CIITA: variants seen among roughly 807,000 people sequenced by gnomAD.
The protein encoded by CIITA is MHC class II transactivator.
A neutral mutation model predicts 115.1 loss-of-function variants in CIITA; 72 were observed. The observed-to-expected ratio is 0.63, with a 90% CI of 0.52 to 0.76. CIITA has a LOEUF of 0.76. Ranked by LOEUF, CIITA falls within the 30% of genes least tolerant of loss-of-function variation. The pLI is 0.00. For synonymous variants in CIITA, 763 were observed against 635.6 expected (o/e 1.20, Z -3.02); for missense variants, 1,617 against 1,463.8 (o/e 1.10, Z -1.71).
intron 1 of CIITA, 46 bp from the exon 2 acceptor site, chr16:10,895,236 C>T: frequency 6.2e-7 from 1 of 1,610,698 alleles, no homozygotes; most frequent in South Asian, 1.1e-5. Flanking sequence ...TTTTCTGCCT[C>T]TTTCCAACAC....
chr16:10,872,142 G>A (rs1265956900), intron 1 of CIITA, among the ~76,000 whole-genome samples: 1 of 151,394 alleles, frequency 6.6e-6, no homozygotes, highest in African/African-American at 2.4e-5. Context: ...TGGGTGGGGG[G>A]GACACAGTCT....
At position 10,886,840 on chromosome 16, in the gene CIITA, G is replaced by C. The variant is rs4781013; in HGVS notation, c.53-8442G>C. ...AGTCACACAGCAAGTGTGGAACTAA[G>C]ATTTGAACCCAGAGCCTGCACCCTT... On this transcript the variant is annotated intron_variant, in intron 1 of 19. Coordinates refer to ENST00000324288, the MANE Select transcript of CIITA (RefSeq NM_000246.4). Among the ~76,000 whole-genome samples the C allele has an allele frequency of 2.2e-4, 34 of 152,322 alleles. No homozygotes were observed. In the East Asian group the frequency reaches 6.0e-3, roughly 27 times the overall value.
chr16:10,898,773 A>T, intron 4 of CIITA, 41 bp downstream of exon 4: 1 of 1,610,698 alleles, frequency 6.2e-7, no homozygotes. Flanking sequence ...CTCAGCCTGC[A>T]TTTCCTGCCT....
chr16:10,881,052 T>C (rs555978879), intron 1 of CIITA, among the ~76,000 whole-genome samples: 1 of 152,206 alleles, frequency 6.6e-6, no homozygotes, highest in Admixed American at 6.5e-5. Flanking sequence ...GGCGGGTGGA[T>C]TGCTTGAGGC....
chr16:10,922,649 G>C (rs1277530371), intron 18 of CIITA, among the ~76,000 whole-genome samples, 159 bp downstream of exon 18: 1 of 152,196 alleles, frequency 6.6e-6, no homozygotes, highest in East Asian at 1.9e-4. Context: ...CATCTGTAAA[G>C]TGGGGACAGT....
intron 1 of CIITA, among the ~76,000 whole-genome samples, chr16:10,882,671 G>C (rs536479042): frequency 5.9e-5 from 9 of 152,322 alleles, no homozygotes; most frequent in East Asian, 5.8e-4. Context: ...GCTGAGGCCG[G>C]TGGATCACCT....
In CIITA at chr16:10,907,119, C is replaced by T. The variant is rs2039222739; in HGVS notation, c.1627C>T (p.Leu543Phe). The change falls in exon 11 of 20, where the codon CTC (leucine) becomes TTC (phenylalanine). Residue 543 changes from leucine (L) to phenylalanine (F), a missense_variant. Leu to Phe is a conservative substitution (Grantham distance 22). Coordinates refer to ENST00000324288, the MANE Select transcript of CIITA (RefSeq NM_000246.4). This position sits in a 1 kb window ranked among gnomAD's most constrained non-coding sequence, Gnocchi z 5.0. The stretch of plus-strand genomic sequence containing the variant: ...GAAGAAGCTGCTCCGAGGTTGCACC[C>T]TCCTCCTCACAGCCCGGCCCCGGGG... ...FQKKLLRGCT[L>F]LLTARPRGRL... 1.2e-6 allele frequency: 2 copies of T among 1,611,478 alleles called. No individual in the cohort carries two copies. The highest frequency in any genetic ancestry group is 1.7e-5 in the Admixed American group (1 of 59,990).
At chr16:10,939,622 T>A (rs934835732), downstream of CIITA, 1 of 152,258 alleles carries the variant, frequency 6.6e-6, no homozygotes, top group African/African-American at 2.4e-5. The surrounding 1 kb of genome is among the most constrained non-coding windows in gnomAD (Gnocchi z 4.9). Flanking sequence ...ATCATCTCCT[T>A]AGAGAGGCTT....
rs570428236 is a variant in CIITA, at chr16:10,906,564, G to A, written c.1072G>A (p.Gly358Ser). The A allele has an allele frequency of 9.9e-6, 16 of 1,613,358 alleles. 1 individual carries two copies. In the South Asian group the frequency reaches 1.3e-4, roughly 13 times the overall value. Residue 358 changes from glycine to serine, a missense_variant, in exon 11 of 20, where the codon GGC (glycine) becomes AGC (serine). Coordinates refer to ENST00000324288, the MANE Select transcript of CIITA (RefSeq NM_000246.4). ...TYGAEPAGPD[G>S]ILVEVDLVQA... ...TGGTGCCGAGCCCGCAGGCCCGGAT[G>A]GCATCCTAGTGGAGGTGGATCTGGT...
At chr16:10,890,341 T>A (rs1038703630) in intron 1 of CIITA, among the ~76,000 whole-genome samples, 5 of 151,788 alleles carry the variant, frequency 3.3e-5, no homozygotes, top group Admixed American at 3.3e-4. Flanking sequence ...TGGAGTGCAG[T>A]GGTGCAATCT....
intron 14 of CIITA, 21 bp downstream of exon 14, chr16:10,915,671 C>T (rs770214221): frequency 1.8e-5 from 29 of 1,598,250 alleles, no homozygotes; most frequent in Non-Finnish European, 2.1e-5. Flanking sequence ...ACTCTGGGAC[C>T]CCTTCCTCTC....
chr16:10,907,872 A>G lies in CIITA; in HGVS notation c.2380A>G (p.Lys794Glu). Residue 794 changes from lysine to glutamate, a missense_variant, in exon 11 of 20, where the codon AAG becomes GAG. Coordinates refer to ENST00000324288, the MANE Select transcript of CIITA (RefSeq NM_000246.4). The surrounding 1 kb of genome is among the most constrained non-coding windows in gnomAD (Gnocchi z 5.0). ...GCAGAAGGTGCTTGCGAGGTACCTG[A>G]AGCGGCTGCAGCCGGGGACACTGCG... ...RKQKVLARYL[K>E]RLQPGTLRAR... The G allele has an allele frequency of 6.2e-7, 1 of 1,607,738 alleles. No individual in the cohort carries two copies. The highest frequency in any genetic ancestry group is 8.5e-7 in the Non-Finnish European group (1 of 1,176,464).
chr16:10,890,808 C>G (rs11648531), intron 1 of CIITA, among the ~76,000 whole-genome samples: 81,677 of 152,112 alleles, frequency 0.54, 25,905 homozygotes, highest in Non-Finnish European at 0.72. Flanking sequence ...TCATTCAGCA[C>G]TTACTGATTG....
chr16:10,878,206 C>T (rs1392823935), intron 1 of CIITA, among the ~76,000 whole-genome samples: 3 of 152,130 alleles, frequency 2.0e-5, no homozygotes, highest in African/African-American at 7.2e-5. Context: ...TTCTCAGACT[C>T]CCCTGAAATG....
At position 10,901,140 on chromosome 16, in the gene CIITA, A is replaced by G. The variant is rs1286312071; in HGVS notation, c.437-374A>G. 6.6e-6 allele frequency among the ~76,000 whole-genome samples: 1 copy of G among 152,206 alleles called. No homozygotes were observed. The highest frequency in any genetic ancestry group is 2.4e-5 in the African/African-American group (1 of 41,460). ...TCTGGCATACTCCTGCAATGTAGGA[A>G]CCACCACCCCCATTTCATAGATGTG... On this transcript the variant is annotated intron_variant, in intron 5 of 19. Transcript: ENST00000324288. The surrounding 1 kb of genome is among the most constrained non-coding windows in gnomAD (Gnocchi z 6.8).
rs552071536 is a variant in CIITA, at chr16:10,900,610, A to G, written c.437-904A>G. ...CAAAAATTAGCCAGGCGTGGTGGCG[A>G]ACACCTGTAATCCCAGCTACCAGGG... On this transcript the variant is annotated intron_variant, in intron 5 of 19. Coordinates refer to ENST00000324288, the MANE Select transcript of CIITA (RefSeq NM_000246.4). Among the ~76,000 whole-genome samples the G allele has an allele frequency of 4.9e-4, 75 of 151,874 alleles. 2 individuals are homozygous for G. The highest frequency in any genetic ancestry group is 3.8e-3 in the South Asian group (18 of 4,796).
chr16:10,906,546 G>A lies in CIITA; in HGVS notation c.1054G>A (p.Glu352Lys), dbSNP rs752576726. ...YRSLQDTYGA[E>K]PAGPDGILVE... ...CTCACTGCAGGACACGTATGGTGCC[G>A]AGCCCGCAGGCCCGGATGGCATCCT... Residue 352 changes from glutamate (E) to lysine (K), a missense_variant, in exon 11 of 20, where the codon GAG becomes AAG. Physicochemically the swap from Glu to Lys is moderately conservative, Grantham distance 56. Coordinates refer to ENST00000324288, the MANE Select transcript of CIITA (RefSeq NM_000246.4). 1.2e-5 allele frequency: 20 copies of A among 1,612,664 alleles called. No individual in the cohort carries two copies. The highest frequency in any genetic ancestry group is 3.3e-5 in the Admixed American group (2 of 60,006).
Position 10,942,032 on chromosome 16 carries a change from G to C in CIITA, n.1158G>C. On this transcript the variant is annotated non_coding_transcript_exon_variant, in exon 2 of 2. Transcript: ENST00000573379. This position sits in a 1 kb window ranked among gnomAD's most constrained non-coding sequence, Gnocchi z 5.0. Reference sequence around the variant, plus strand: ...CAGCGGGTGGCAAGGGCGGCGGCCCGGCGATCCCGGCGAACTCAGCCGCTG... The same window carrying C: ...CAGCGGGTGGCAAGGGCGGCGGCCCCGCGATCCCGGCGAACTCAGCCGCTG... 7.3e-7 allele frequency: 1 copy of C among 1,372,786 alleles called. No homozygotes were observed. Among genetic ancestry groups the C allele is most frequent in the Non-Finnish European group, 9.4e-7 (1 of 1,065,020 alleles). 85.0% of individuals were successfully genotyped at this position (1,372,786 alleles called of 1,614,324 possible).
rs544109645 is a variant in CIITA at position 10,900,365 on chromosome 16, G to A, written c.437-1149G>A. 2.6e-5 allele frequency among the ~76,000 whole-genome samples: 4 copies of A among 152,284 alleles called. No individual in the cohort carries two copies. The East Asian group carries it at 7.7e-4, about 29-fold the overall frequency. On this transcript the variant is annotated intron_variant, in intron 5 of 19. Transcript: ENST00000324288. ...GGGAGAGGACACGGTCCTATCTTCA[G>A]CAGCTTCTTTATTTTCTTTCTTTTC...
Sources: allele counts gnomAD v4.1 joint callset (sites outside exome capture counted in the v4.1 genomes callset), GRCh38; gene constraint gnomAD v4.1.1; non-coding constraint Gnocchi (gnomAD v3.1); transcripts MANE v1.5; gene names NCBI Gene and HGNC (gene_info 2026-07-23, HGNC 2026-07-21).